Variants in FBXO42 observed in about 807,000 individuals in gnomAD.
The protein encoded by FBXO42 is F-box only protein 42.
A neutral mutation model predicts 71.7 loss-of-function variants in FBXO42; 12 were observed. That is an observed-to-expected ratio of 0.17 (90% CI 0.11 to 0.27). FBXO42 has a LOEUF of 0.27. Among genes scored for constraint, FBXO42 ranks in the 10% least tolerant of loss-of-function variants. The probability of loss-of-function intolerance (pLI) is 1.00; values close to 1 mark genes in which losing one functional copy is unlikely to be tolerated. For missense variants in FBXO42, 707 were observed against 911.9 expected (o/e 0.78, Z 2.89); for synonymous variants, 325 against 327.5 (o/e 0.99, Z 0.08).
intron 2 of FBXO42, 148 bp downstream of exon 2, chr1:16,315,021 G>C (rs935853674): frequency 5.6e-5 from 43 of 768,350 alleles, no homozygotes; most frequent in Non-Finnish European, 5.9e-5. Flanking sequence ...AACTAACCAG[G>C]GTAAGAAAGA....
intron 1 of FBXO42, among the ~76,000 whole-genome samples, chr1:16,329,947 T>C (rs571783673): frequency 6.6e-6 from 1 of 150,846 alleles, no homozygotes; most frequent in Non-Finnish European, 1.5e-5. Flanking sequence ...AGATACCATC[T>C]CAGGGCGGGG....
At chr1:16,286,311 T>C (rs1034558290) in intron 4 of FBXO42, among the ~76,000 whole-genome samples, 3 of 152,192 alleles carry the variant, frequency 2.0e-5, no homozygotes, top group African/African-American at 4.8e-5. Context: ...AGAGGTTTAA[T>C]TGACTCACAG....
chr1:16,315,777 C>T (rs2100578051), intron 1 of FBXO42, among the ~76,000 whole-genome samples: 1 of 152,268 alleles, frequency 6.6e-6, no homozygotes, highest in South Asian at 2.1e-4. Context: ...AACTAGCCTC[C>T]TTGGCCAGTA....
At chr1:16,262,077 G>A (rs1176444147) in intron 4 of FBXO42, among the ~76,000 whole-genome samples, 1 of 152,038 alleles carries the variant, frequency 6.6e-6, no homozygotes, top group Non-Finnish European at 1.5e-5. Context: ...ATTGCAAATT[G>A]GATACTTTTA....
chr1:16,338,353 C>A (rs1445602093), intron 1 of FBXO42, among the ~76,000 whole-genome samples: 1 of 47,150 alleles, frequency 2.1e-5, no homozygotes, highest in African/African-American at 6.1e-5. Flanking sequence ...GGCCCTATCT[C>A]CAAAAAAAAA....
intron 4 of FBXO42, among the ~76,000 whole-genome samples, chr1:16,260,940 G>T (rs1180517598): frequency 2.0e-5 from 3 of 152,068 alleles, no homozygotes; most frequent in Non-Finnish European, 4.4e-5. Context: ...CTGGCCTCAA[G>T]TGATTCTCCC....
intron 4 of FBXO42, among the ~76,000 whole-genome samples, chr1:16,258,334 T>C (rs1002835482): frequency 8.6e-5 from 13 of 151,462 alleles, no homozygotes; most frequent in African/African-American, 3.2e-4. Context: ...GAACACCATG[T>C]GGCATCAGCT....
chr1:16,251,270 C>G lies in FBXO42; in HGVS notation c.1554G>C (p.Met518Ile). 1 of 1,614,202 alleles carries G rather than the reference C, an allele frequency of 6.2e-7. No individual in the cohort carries two copies. The highest frequency in any genetic ancestry group is 8.5e-7 in the Non-Finnish European group (1 of 1,180,030). The part of the protein sequence containing the change: ...PASSSNPMDG[M>I]DNRTVGGSMR... ...TACTTCCCCCAACTGTCCTATTGTCCATGCCATCCATGGGATTACTACTGG... is the reference window on the plus strand; with the variant it reads ...TACTTCCCCCAACTGTCCTATTGTCGATGCCATCCATGGGATTACTACTGG... Residue 518 changes from methionine to isoleucine, a missense_variant, in exon 10 of 10, where the codon ATG (methionine) becomes ATC (isoleucine). By Grantham distance (10) the Met-to-Ile change is conservative (BLOSUM62 1). Around this residue, in one of 5 missense-constraint regions of FBXO42, gnomAD observed 482 missense variants for 587.1 expected, o/e 0.82. Coordinates refer to ENST00000375592, the MANE Select transcript of FBXO42 (RefSeq NM_018994.3). The surrounding 1 kb of genome is among the most constrained non-coding windows in gnomAD (Gnocchi z 4.5).
At chr1:16,309,233 A>G (rs980730388) in intron 2 of FBXO42, among the ~76,000 whole-genome samples, 1 of 150,546 alleles carries the variant, frequency 6.6e-6, no homozygotes, top group Admixed American at 6.6e-5. Context: ...ATACCCAGCT[A>G]ATTTTTTTTT....
intron 2 of FBXO42, among the ~76,000 whole-genome samples, chr1:16,308,494 C>CT (rs71003268): frequency 0.11 from 13,959 of 126,536 alleles, 963 homozygotes; most frequent in African/African-American, 0.12. Flanking sequence ...ACCCATCTCT[C>CT]TTTTTTTTTT....
At chr1:16,259,638 C>T (rs1034981206) in intron 4 of FBXO42, among the ~76,000 whole-genome samples, 15 of 151,724 alleles carry the variant, frequency 9.9e-5, no homozygotes, top group Non-Finnish European at 1.6e-4. Context: ...TGGTAGCCCA[C>T]GCCTGTAATT....
In FBXO42 at chr1:16,349,344, T is replaced by A. The variant is rs555691143; in HGVS notation, c.-18+2911A>T. Among the ~76,000 whole-genome samples the A allele has an allele frequency of 6.6e-5, 10 of 152,314 alleles. No homozygotes were observed. In the East Asian group the frequency reaches 1.9e-3, roughly 29 times the overall value. On this transcript the variant is annotated intron_variant, in intron 1 of 9. Transcript: ENST00000375592. The stretch of plus-strand genomic sequence containing the variant: ...TGTCTGGCTCCCCAGCCATACTATA[T>A]GCAACTTCAGACCAAAAGCTGTCTT...
At chr1:16,311,477 G>C (rs1413395980) in intron 2 of FBXO42, among the ~76,000 whole-genome samples, 1 of 93,218 alleles carries the variant, frequency 1.1e-5, no homozygotes. Flanking sequence ...GACAGAGCAA[G>C]ATCTTGTCTC....
intron 1 of FBXO42, among the ~76,000 whole-genome samples, chr1:16,317,778 G>T (rs1307767275): frequency 6.6e-6 from 1 of 151,760 alleles, no homozygotes; most frequent in Non-Finnish European, 1.5e-5. Context: ...TAATTAACCG[G>T]GTGTGCTGGC....
chr1:16,341,957 G>A (rs1454493733), intron 1 of FBXO42, among the ~76,000 whole-genome samples: 1 of 144,812 alleles, frequency 6.9e-6, no homozygotes, highest in African/African-American at 2.6e-5. Flanking sequence ...GGCAACAAGA[G>A]AGAAATTCCG....
intron 3 of FBXO42, among the ~76,000 whole-genome samples, chr1:16,298,853 C>T (rs920363451): frequency 2.6e-5 from 4 of 152,028 alleles, no homozygotes; most frequent in African/African-American, 7.2e-5. Flanking sequence ...TCCATTATAA[C>T]ATTGCTTAAT....
intron 1 of FBXO42, among the ~76,000 whole-genome samples, chr1:16,324,107 C>T (rs1167509780): frequency 6.0e-5 from 9 of 150,128 alleles, no homozygotes; most frequent in African/African-American, 1.7e-4. Flanking sequence ...GAATATACCA[C>T]GGTTATCATT....
At chr1:16,284,900 G>A (rs2082005824) in intron 4 of FBXO42, among the ~76,000 whole-genome samples, 1 of 152,090 alleles carries the variant, frequency 6.6e-6, no homozygotes. Context: ...CCCGGGAGGT[G>A]GAGGTTGCGG....
chr1:16,328,468 A>C (rs571186346), intron 1 of FBXO42, among the ~76,000 whole-genome samples: 48 of 152,310 alleles, frequency 3.2e-4, no homozygotes, highest in African/African-American at 1.0e-3. Flanking sequence ...GGCTAGACCA[A>C]ATTTTCTTAT....
Sources: allele counts gnomAD v4.1 joint callset (sites outside exome capture counted in the v4.1 genomes callset), GRCh38; gene constraint gnomAD v4.1.1; regional missense constraint gnomAD v4.1.1; non-coding constraint Gnocchi (gnomAD v3.1); transcripts MANE v1.5; gene names NCBI Gene and HGNC (gene_info 2026-07-23, HGNC 2026-07-21).